CHST9: variants seen among roughly 807,000 people sequenced by gnomAD.
CHST9 encodes the protein carbohydrate sulfotransferase 9.
CHST9 carries 41 observed loss-of-function variants against 44.4 expected under a neutral mutation model. The observed-to-expected ratio is 0.92, with a 90% CI of 0.72 to 1.20. The LOEUF (loss-of-function observed/expected upper bound fraction) is 1.20, where lower values mean the gene tolerates loss of function less well. Among genes scored for constraint, CHST9 ranks in the 50% most tolerant of loss-of-function variants. The pLI, the probability that CHST9 is intolerant of heterozygous loss-of-function variation, is 0.00. For synonymous variants in CHST9, 171 were observed against 178.4 expected (o/e 0.96, Z 0.33); for missense variants, 504 against 516.5 (o/e 0.98, Z 0.23).
intron 4 of CHST9, among the ~76,000 whole-genome samples, chr18:26,947,574 C>T (rs950536126): frequency 6.6e-6 from 1 of 152,072 alleles, no homozygotes; most frequent in African/African-American, 2.4e-5. Context: ...AAACAAACCC[C>T]ATCAAAAAGT....
chr18:27,062,897 T>G (rs1195030782), intron 2 of CHST9, among the ~76,000 whole-genome samples: 1 of 152,224 alleles, frequency 6.6e-6, no homozygotes, highest in Non-Finnish European at 1.5e-5. Flanking sequence ...TGATTTGCAT[T>G]TCTCTGATGG....
chr18:27,112,354 G>A (rs1361942336), intron 2 of CHST9, among the ~76,000 whole-genome samples: 1 of 151,066 alleles, frequency 6.6e-6, no homozygotes, highest in East Asian at 1.9e-4. Flanking sequence ...CTTAGGGATG[G>A]GACCGCAGTC....
chr18:27,078,767 T>A (rs1372603140), intron 2 of CHST9, among the ~76,000 whole-genome samples: 1 of 152,176 alleles, frequency 6.6e-6, no homozygotes, highest in African/African-American at 2.4e-5. Flanking sequence ...CGTGGCCTTC[T>A]TTAGCCTCAG....
chr18:27,173,804 AT>A (rs2058849400), intron 1 of CHST9, among the ~76,000 whole-genome samples: 1 of 152,012 alleles, frequency 6.6e-6, no homozygotes, highest in Admixed American at 6.6e-5. Flanking sequence ...AAATCATAGG[AT>A]ATTTTTTCTA....
intron 1 of CHST9, among the ~76,000 whole-genome samples, chr18:27,173,771 T>G (rs1042349742): frequency 2.6e-5 from 4 of 152,030 alleles, no homozygotes; most frequent in Non-Finnish European, 5.9e-5. Flanking sequence ...AAAAATTATT[T>G]TATCCTTTGG....
intron 3 of CHST9, among the ~76,000 whole-genome samples, chr18:27,035,014 A>G (rs1327095379): frequency 1.3e-5 from 2 of 152,252 alleles, no homozygotes; most frequent in African/African-American, 4.8e-5. Context: ...TTGGCTCTAC[A>G]TACCCAGAAA....
At chr18:26,917,629 T>C (rs1185770872) in intron 5 of CHST9, among the ~76,000 whole-genome samples, 1 of 152,158 alleles carries the variant, frequency 6.6e-6, no homozygotes, top group Admixed American at 6.6e-5. Flanking sequence ...AACTCAACCA[T>C]TCTGAGCATC....
chr18:27,064,682 C>CTT (rs2057762288), intron 2 of CHST9, among the ~76,000 whole-genome samples: 1 of 151,874 alleles, frequency 6.6e-6, no homozygotes, highest in South Asian at 2.1e-4. Flanking sequence ...TGAGCTGCTC[C>CTT]TGCCTCTGGT....
At chr18:26,924,694 A>G (rs1489531585) in intron 5 of CHST9, 1 of 277,524 alleles carries the variant, frequency 3.6e-6, no homozygotes, top group African/African-American at 2.3e-5. Flanking sequence ...TTCTGGGGAC[A>G]CAGGTCAGTG....
intron 4 of CHST9, among the ~76,000 whole-genome samples, chr18:26,976,333 CTGA>C (rs2056623752): frequency 1.3e-5 from 2 of 152,134 alleles, no homozygotes; most frequent in East Asian, 3.9e-4. Context: ...TATTGTTTCA[CTGA>C]ATTTACAGAA....
At chr18:26,928,004 A>C (rs2055804593) in intron 5 of CHST9, among the ~76,000 whole-genome samples, 1 of 147,614 alleles carries the variant, frequency 6.8e-6, no homozygotes, top group Admixed American at 6.8e-5. Flanking sequence ...TTTTAACAGC[A>C]CGCTGCCTTC....
intron 4 of CHST9, among the ~76,000 whole-genome samples, chr18:26,956,736 A>G (rs1253831964): frequency 1.3e-5 from 2 of 152,184 alleles, no homozygotes; most frequent in Non-Finnish European, 2.9e-5. Flanking sequence ...TTAACTATAT[A>G]AGCCTTTGCT....
chr18:26,969,369 T>C (rs1220165034), intron 4 of CHST9, among the ~76,000 whole-genome samples: 3 of 106,998 alleles, frequency 2.8e-5, no homozygotes, highest in Non-Finnish European at 4.1e-5. Context: ...ATTCTCTCTC[T>C]CTCTCTCTGT....
chr18:27,137,152 A>C (rs1264341193), intron 2 of CHST9, among the ~76,000 whole-genome samples: 2 of 151,920 alleles, frequency 1.3e-5, no homozygotes, highest in African/African-American at 4.8e-5. Flanking sequence ...TGATTGTGAT[A>C]ATTTTTCTGA....
intron 4 of CHST9, among the ~76,000 whole-genome samples, chr18:26,946,783 C>T (rs531023311): frequency 1.3e-5 from 2 of 150,948 alleles, no homozygotes; most frequent in East Asian, 2.0e-4. Context: ...GAAATCCTTT[C>T]CCCATTGCTT....
intron 4 of CHST9, among the ~76,000 whole-genome samples, chr18:26,978,000 G>T (rs1371953321): frequency 6.6e-6 from 1 of 151,988 alleles, no homozygotes; most frequent in African/African-American, 2.4e-5. Context: ...CCCCTTTGTA[G>T]ATGCAGGCAG....
chr18:26,965,449 C>A (rs1383898493), intron 4 of CHST9, among the ~76,000 whole-genome samples: 1 of 152,124 alleles, frequency 6.6e-6, no homozygotes, highest in Admixed American at 6.5e-5. Context: ...AGATTAGAAC[C>A]CCTGGGAAGC....
chr18:27,031,467 A>C (rs1448909155), intron 3 of CHST9, among the ~76,000 whole-genome samples: 3 of 152,030 alleles, frequency 2.0e-5, no homozygotes, highest in African/African-American at 7.3e-5. Flanking sequence ...CATTCTTTTT[A>C]GCTTTTCAGC....
At chr18:27,111,819 AC>A (rs1358299542) in intron 2 of CHST9, among the ~76,000 whole-genome samples, 1 of 152,164 alleles carries the variant, frequency 6.6e-6, no homozygotes, top group Non-Finnish European at 1.5e-5. Context: ...CCTGAATAGC[AC>A]AAAAAGGTGA....
Sources: allele counts gnomAD v4.1 joint callset (sites outside exome capture counted in the v4.1 genomes callset), GRCh38; gene constraint gnomAD v4.1.1; transcripts MANE v1.5; gene names NCBI Gene and HGNC (gene_info 2026-07-23, HGNC 2026-07-21).